Variants in ATG16L1 observed in about 807,000 individuals in gnomAD.
ATG16L1 encodes autophagy related 16 like 1.
In ATG16L1, 37 loss-of-function variants were observed where a neutral mutation model predicts 88.5. That is an observed-to-expected ratio of 0.42 (90% confidence interval 0.32 to 0.55). The LOEUF is 0.55. ATG16L1 is among the 20% of genes least tolerant of loss of function. The pLI, the probability that ATG16L1 is intolerant of heterozygous loss-of-function variation, is 0.13. For synonymous variants in ATG16L1, 301 were observed against 281.0 expected, an observed-to-expected ratio of 1.07 and a Z score of -0.71; for missense variants, 554 against 752.8, an observed-to-expected ratio of 0.74 and a Z score of 3.09.
intron 2 of ATG16L1, among the ~76,000 whole-genome samples, chr2:233,259,289 G>A (rs1697030706): frequency 6.6e-6 from 1 of 152,150 alleles, no homozygotes; most frequent in Admixed American, 6.5e-5. Context: ...TTCCTCATAG[G>A]ACACATGCAG....
chr2:233,282,926 G>T, intron 12 of ATG16L1, 173 bp downstream of exon 12: 1 of 580,246 alleles, frequency 1.7e-6, no homozygotes, highest in South Asian at 2.1e-5. Context: ...TATACTCTTT[G>T]TCCAAAACTC....
intron 16 of ATG16L1, 56 bp from the exon 17 acceptor site, chr2:233,293,200 A>G: frequency 1.4e-6 from 2 of 1,449,652 alleles, no homozygotes; most frequent in Admixed American, 1.7e-5. Context: ...GGCCACAGAG[A>G]TGCTGAATTG....
intron 5 of ATG16L1, among the ~76,000 whole-genome samples, chr2:233,268,400 A>G (rs1697753935): frequency 6.6e-6 from 1 of 152,244 alleles, no homozygotes; most frequent in Non-Finnish European, 1.5e-5. Flanking sequence ...CGGAGATTGC[A>G]GTGAGCCGAG....
At chr2:233,273,263 GCTTCT>G in intron 7 of ATG16L1, 1 of 552,402 alleles carries the variant, frequency 1.8e-6, no homozygotes, top group Non-Finnish European at 3.2e-6. Context: ...GGCTTCAAAT[GCTTCT>G]AAATACAAAA....
Position 233,264,069 on chromosome 2 carries a change from A to T in ATG16L1, c.389+4A>T, listed in dbSNP as rs999533604. The T allele has an allele frequency of 6.2e-7, 1 of 1,613,812 alleles. No individual in the cohort carries two copies. Among genetic ancestry groups the T allele is most frequent in the Non-Finnish European group, 8.5e-7 (1 of 1,179,852 alleles). ...AGATGCAGATGAATGAAGCAAAGTG[A>T]GTAGAGACCCCGCCTCCTTGGAGCC... On this transcript the variant is annotated splice_donor_region_variant and intron_variant, in intron 4 of 17. Transcript: ENST00000392017.
chr2:233,255,729 A>T (rs1696731981), intron 1 of ATG16L1, among the ~76,000 whole-genome samples: 1 of 152,210 alleles, frequency 6.6e-6, no homozygotes, highest in Non-Finnish European at 1.5e-5. Context: ...ACTTGACTGA[A>T]TTAAATGTTA....
In ATG16L1 at chr2:233,273,781, G is replaced by A; in HGVS notation, c.851+4G>A. 1 of 1,613,784 alleles carries A rather than the reference G, an allele frequency of 6.2e-7. No individual in the cohort carries two copies. The highest frequency in any genetic ancestry group is 8.5e-7 in the Non-Finnish European group (1 of 1,179,760). On this transcript the variant is annotated splice_donor_region_variant and intron_variant, in intron 8 of 17. Transcript: ENST00000392017. ...ATTCTATCACTAATATCTTTGGGTA[G>A]GTTAGAAGACCTTTCCTTTTTAAAT...
At chr2:233,293,449 G>T in intron 17 of ATG16L1, 92 bp downstream of exon 17, 1 of 1,184,626 alleles carries the variant, frequency 8.4e-7, no homozygotes, top group Non-Finnish European at 1.3e-6. Context: ...CTCAGTCGGC[G>T]CTGTGAGGGC....
rs762004389 is a variant in ATG16L1, at chr2:233,270,007, G to A, written c.647G>A (p.Arg216Gln). 2 of 1,572,320 alleles carry A rather than the reference G, an allele frequency of 1.3e-6. No homozygotes were observed. The highest frequency in any genetic ancestry group is 1.2e-5 in the South Asian group (1 of 82,894). The change falls in exon 6 of 18, where the codon CGG (arginine) becomes CAG (glutamine). Residue 216 changes from arginine (R) to glutamine (Q), a missense_variant. Transcript: ENST00000392017. ...TTTTTTTTTTTTCCCAACAGGAGGC[G>A]GCAAGCCCGGCTGCAGAAAGAGCTT... ...NAENEKDSRR[R>Q]QARLQKELAE...
intron 14 of ATG16L1, among the ~76,000 whole-genome samples, chr2:233,291,122 C>T (rs1699436499): frequency 6.6e-6 from 1 of 152,038 alleles, no homozygotes; most frequent in African/African-American, 2.4e-5. Context: ...AAGGGGAAGA[C>T]AGGATGGAGA....
At chr2:233,256,306 G>GT (rs1210673558) in intron 2 of ATG16L1, 111 bp downstream of exon 2, 1 of 909,250 alleles carries the variant, frequency 1.1e-6, no homozygotes, top group East Asian at 2.6e-5. Flanking sequence ...CTGTGTTCCA[G>GT]TTTTTGTCAG....
intron 8 of ATG16L1, chr2:233,274,162 G>A (rs1698186243): frequency 9.0e-7 from 1 of 1,116,602 alleles, no homozygotes; most frequent in Admixed American, 2.2e-5. Context: ...TGCTTTGCAT[G>A]TTCCTAGGAA....
chr2:233,261,293 A>G (rs1051656292), intron 2 of ATG16L1, among the ~76,000 whole-genome samples: 1 of 152,128 alleles, frequency 6.6e-6, no homozygotes, highest in Admixed American at 6.5e-5. Context: ...TTCTATAGCT[A>G]GCCAGCTCCT....
chr2:233,281,374 G>A (rs1232128700), intron 11 of ATG16L1, among the ~76,000 whole-genome samples, 199 bp downstream of exon 11: 2 of 152,188 alleles, frequency 1.3e-5, no homozygotes, highest in Non-Finnish European at 2.9e-5. Context: ...TCTGCTTCAT[G>A]CATTAGGCTT....
At chr2:233,253,391 C>G (rs1696549549) in intron 1 of ATG16L1, among the ~76,000 whole-genome samples, 1 of 123,276 alleles carries the variant, frequency 8.1e-6, no homozygotes, top group Non-Finnish European at 1.6e-5. Context: ...GTCACCTAGG[C>G]TGGAGTGCAA....
intron 6 of ATG16L1, among the ~76,000 whole-genome samples, chr2:233,271,562 G>A (rs1697991936): frequency 6.6e-6 from 1 of 152,234 alleles, no homozygotes. Flanking sequence ...ACAGGCATGA[G>A]CCACCGAGCC....
At chr2:233,257,367 G>A (rs893526243) in intron 2 of ATG16L1, among the ~76,000 whole-genome samples, 1 of 152,154 alleles carries the variant, frequency 6.6e-6, no homozygotes, top group Non-Finnish European at 1.5e-5. Context: ...GTGCAGAAGC[G>A]ATACACTTTC....
At chr2:233,271,800 TC>T (rs1315173470) in intron 6 of ATG16L1, among the ~76,000 whole-genome samples, 1 of 152,252 alleles carries the variant, frequency 6.6e-6, no homozygotes, top group Non-Finnish European at 1.5e-5. Flanking sequence ...TCTCCTCTCT[TC>T]CTTGTATGGG....
chr2:233,269,393 C>T lies in ATG16L1; in HGVS notation c.642-609C>T, dbSNP rs184882529. On this transcript the variant is annotated intron_variant, in intron 5 of 17. Coordinates refer to ENST00000392017, the MANE Select transcript of ATG16L1 (RefSeq NM_030803.7). ...TTAATGCAGGTTGAGCATCCCATAT[C>T]CCAAACTCCACAATGCTCCAGAATC... is the stretch of plus-strand genomic sequence containing the variant. Among the ~76,000 whole-genome samples, 28 of 152,232 alleles carry T rather than the reference C, an allele frequency of 1.8e-4. No individual in the cohort carries two copies. The East Asian group carries it at 5.2e-3, about 28-fold the overall frequency.
Sources: allele counts gnomAD v4.1 joint callset (sites outside exome capture counted in the v4.1 genomes callset), GRCh38; gene constraint gnomAD v4.1.1; transcripts MANE v1.5; gene names NCBI Gene and HGNC (gene_info 2026-07-23, HGNC 2026-07-21).